ARNT: variants seen among roughly 807,000 people sequenced by gnomAD.
ARNT encodes the protein class E basic helix-loop-helix protein 2.
ARNT carries 30 observed loss-of-function variants against 105.0 expected under a neutral mutation model. That is an observed-to-expected ratio of 0.29 (90% CI 0.21 to 0.39). ARNT has a LOEUF of 0.39. Among genes scored for constraint, ARNT ranks in the 10% least tolerant of loss-of-function variants. The pLI is 1.00. For missense variants in ARNT, 748 were observed against 978.7 expected (o/e 0.76, Z 3.15); for synonymous variants, 304 against 344.0 (o/e 0.88, Z 1.29).
chr1:150,853,129 A>T (rs1370831626), intron 2 of ARNT: 2 of 320,442 alleles, frequency 6.2e-6, no homozygotes, highest in East Asian at 9.1e-5. Flanking sequence ...AAAAATACAA[A>T]AATTAGCTGG....
At position 150,834,047 on chromosome 1, in the gene ARNT, G is replaced by A. The variant is rs764957510; in HGVS notation, c.803+491C>T. Among the ~76,000 whole-genome samples the A allele has an allele frequency of 5.9e-5, 9 of 151,554 alleles. No individual in the cohort carries two copies. In the South Asian group the frequency reaches 1.9e-3, roughly 31 times the overall value. ...CCTCCTGGGTTCAAGCAATTGTCCTGCCTCAGCCTCCAAGTGGCTGGGATT... is the reference window on the plus strand; with the variant it reads ...CCTCCTGGGTTCAAGCAATTGTCCTACCTCAGCCTCCAAGTGGCTGGGATT... On this transcript the variant is annotated intron_variant, in intron 8 of 21. Coordinates refer to ENST00000358595, the MANE Select transcript of ARNT (RefSeq NM_001668.4).
intron 1 of ARNT, among the ~76,000 whole-genome samples, chr1:150,869,745 G>A (rs190696237): frequency 3.0e-4 from 46 of 151,944 alleles, no homozygotes; most frequent in Non-Finnish European, 2.5e-4. Context: ...TGGAGACAAG[G>A]TCTCCCTATA....
intron 1 of ARNT, among the ~76,000 whole-genome samples, chr1:150,859,276 C>G (rs1003529975): frequency 6.6e-6 from 1 of 151,534 alleles, no homozygotes; most frequent in Non-Finnish European, 1.5e-5. Flanking sequence ...TCCTGCCCCC[C>G]GTACCTCTCC....
chr1:150,873,002 G>A (rs1199233037), intron 1 of ARNT, among the ~76,000 whole-genome samples: 4 of 151,816 alleles, frequency 2.6e-5, no homozygotes, highest in African/African-American at 4.8e-5. Context: ...TGTCTAGTCC[G>A]GGCCGGGCAC....
intron 1 of ARNT, among the ~76,000 whole-genome samples, chr1:150,865,407 G>T (rs1666399972): frequency 6.6e-6 from 1 of 152,062 alleles, no homozygotes; most frequent in South Asian, 2.1e-4. Context: ...AACTGACAAG[G>T]GAAAAAGCAG....
At chr1:150,842,554 A>C in intron 4 of ARNT, 86 bp from the exon 5 acceptor site, 1 of 1,031,888 alleles carries the variant, frequency 9.7e-7, no homozygotes, top group Non-Finnish European at 1.4e-6. Flanking sequence ...AAAAGGAAGG[A>C]GGGAGGGAGA....
At chr1:150,864,777 T>TAA (rs1310342123) in intron 1 of ARNT, among the ~76,000 whole-genome samples, 58 of 123,648 alleles carry the variant, frequency 4.7e-4, no homozygotes, top group Non-Finnish European at 5.7e-4. Context: ...AATAAATAAA[T>TAA]AAATAAATAA....
At chr1:150,836,741 A>AG (rs587631327) in intron 6 of ARNT, among the ~76,000 whole-genome samples, 136 of 152,258 alleles carry the variant, frequency 8.9e-4, no homozygotes, top group African/African-American at 3.2e-3. Flanking sequence ...TCAGGATTCA[A>AG]GAAGAATAAA....
chr1:150,838,620 T>C (rs191191472), intron 6 of ARNT, among the ~76,000 whole-genome samples: 1 of 152,374 alleles, frequency 6.6e-6, no homozygotes, highest in East Asian at 1.9e-4. Flanking sequence ...TTGATTAAAT[T>C]GGTGGCATTA....
chr1:150,864,768 AT>A (rs200837795), intron 1 of ARNT, among the ~76,000 whole-genome samples: 4,461 of 139,406 alleles, frequency 0.032, 105 homozygotes, highest in African/African-American at 0.059. Context: ...ATAATAAAAA[AT>A]AAATAAATAA....
At chr1:150,814,927 T>C (rs1365229227) in intron 19 of ARNT, among the ~76,000 whole-genome samples, 1 of 152,256 alleles carries the variant, frequency 6.6e-6, no homozygotes, top group African/African-American at 2.4e-5. Flanking sequence ...CATTTGTTCC[T>C]AATGATGTAT....
At chr1:150,823,115 C>A in intron 14 of ARNT, 79 bp downstream of exon 14, 3 of 1,346,672 alleles carry the variant, frequency 2.2e-6, no homozygotes, top group Non-Finnish European at 2.0e-6. Flanking sequence ...TGTTTACCCC[C>A]CACATAGGGC....
At chr1:150,871,162 G>C (rs1195353913) in intron 1 of ARNT, among the ~76,000 whole-genome samples, 1 of 151,994 alleles carries the variant, frequency 6.6e-6, no homozygotes, top group Admixed American at 6.6e-5. Flanking sequence ...CATATAGAAG[G>C]AACTTAATTA....
In ARNT at chr1:150,834,361, G is replaced by C. The variant is rs587699643; in HGVS notation, c.803+177C>G. Among the ~76,000 whole-genome samples, 11 of 152,284 alleles carry C rather than the reference G, an allele frequency of 7.2e-5. No individual in the cohort carries two copies. In the East Asian group the frequency reaches 2.1e-3, roughly 29 times the overall value. ...TATAAAGCACCTATCATAGTGTCTGGCAAGTTCAGAAACGTTAGTTCCCTT... is the reference window on the plus strand; with the variant it reads ...TATAAAGCACCTATCATAGTGTCTGCCAAGTTCAGAAACGTTAGTTCCCTT... On this transcript the variant is annotated intron_variant, in intron 8 of 21. Transcript: ENST00000358595.
intron 13 of ARNT, among the ~76,000 whole-genome samples, chr1:150,824,447 C>A (rs1657769069): frequency 6.7e-6 from 1 of 149,426 alleles, no homozygotes; most frequent in Non-Finnish European, 1.5e-5. Context: ...CATCTGTTTT[C>A]TTTTCTTTTT....
chr1:150,865,317 GAGA>G (rs1666379292), intron 1 of ARNT, among the ~76,000 whole-genome samples: 1 of 152,192 alleles, frequency 6.6e-6, no homozygotes, highest in South Asian at 2.1e-4. Context: ...GAAAGAATAA[GAGA>G]AGAAGAGCAA....
chr1:150,829,029 A>G, intron 12 of ARNT, 64 bp downstream of exon 12: 1 of 1,583,222 alleles, frequency 6.3e-7, no homozygotes, highest in South Asian at 1.2e-5. Flanking sequence ...TAGGAACTAC[A>G]TGATTACATA....
At chr1:150,828,172 T>C (rs1658639351) in intron 12 of ARNT, among the ~76,000 whole-genome samples, 1 of 152,110 alleles carries the variant, frequency 6.6e-6, no homozygotes, top group Non-Finnish European at 1.5e-5. Context: ...TTTTTTTTCT[T>C]CTGTGAATCA....
chr1:150,872,632 G>C (rs990428338), intron 1 of ARNT, among the ~76,000 whole-genome samples: 1 of 152,102 alleles, frequency 6.6e-6, no homozygotes, highest in Non-Finnish European at 1.5e-5. Flanking sequence ...TGTTCCCTCA[G>C]CCAATGCATT....
Sources: gnomAD v4.1 joint callset for allele counts (sites outside exome capture counted in the v4.1 genomes callset) on GRCh38, gnomAD v4.1.1 for gene constraint, MANE v1.5 for transcripts, NCBI Gene and HGNC (gene_info 2026-07-23, HGNC 2026-07-21) for gene names.